The following SGIP1 variants were observed in gnomAD, a reference collection of about 807,000 sequenced individuals.
SGIP1 encodes the protein SH3GL interacting endocytic adaptor 1.
A neutral mutation model predicts 107.5 loss-of-function variants in SGIP1; 38 were observed. The observed-to-expected ratio is 0.35, with a 90% confidence interval of 0.27 to 0.46. The LOEUF is 0.46. Ranked by LOEUF, SGIP1 falls within the 20% of genes least tolerant of loss-of-function variation. The pLI is 1.00. For synonymous variants in SGIP1, 365 were observed against 366.1 expected (o/e 1.00, Z 0.03); for missense variants, 929 against 1,019.5 (o/e 0.91, Z 1.21).
chr1:66,618,144 G>A (rs749086642), intron 1 of SGIP1, among the ~76,000 whole-genome samples: 236 of 152,070 alleles, frequency 1.6e-3, no homozygotes, highest in Non-Finnish European at 3.0e-3. Context: ...ATTTTTTTAT[G>A]ATACATGTTT....
intron 2 of SGIP1, among the ~76,000 whole-genome samples, chr1:66,630,857 A>AG (rs1558133403): frequency 5.7e-5 from 2 of 35,088 alleles, no homozygotes; most frequent in African/African-American, 3.0e-4. Flanking sequence ...GAAAGAAAGA[A>AG]AGAAAGAAAG....
intron 8 of SGIP1, 34 bp from the exon 9 acceptor site, chr1:66,667,496 G>T (rs755901644): frequency 1.1e-5 from 18 of 1,608,520 alleles, no homozygotes; most frequent in Non-Finnish European, 1.2e-5. Flanking sequence ...CTCTGACTAG[G>T]TGTCTGTTCT....
intron 1 of SGIP1, among the ~76,000 whole-genome samples, chr1:66,546,190 C>A (rs201551116): frequency 6.6e-6 from 1 of 152,176 alleles, no homozygotes; most frequent in African/African-American, 2.4e-5. Flanking sequence ...CCAGGCAATA[C>A]CCTGGATCAT....
At chr1:66,635,634 C>T (rs979200097) in intron 3 of SGIP1, among the ~76,000 whole-genome samples, 11 of 152,272 alleles carry the variant, frequency 7.2e-5, no homozygotes, top group South Asian at 2.1e-4. Flanking sequence ...CTGTTCTCTA[C>T]GTGTAAATTA....
At chr1:66,591,821 G>A (rs1184200831) in intron 1 of SGIP1, among the ~76,000 whole-genome samples, 1 of 152,196 alleles carries the variant, frequency 6.6e-6, no homozygotes, top group Admixed American at 6.5e-5. Context: ...ACAGTCAGCA[G>A]GAAAACGTGA....
intron 1 of SGIP1, among the ~76,000 whole-genome samples, chr1:66,544,913 G>A (rs2055986783): frequency 6.6e-6 from 1 of 152,098 alleles, no homozygotes; most frequent in Non-Finnish European, 1.5e-5. Context: ...GCCTTCTTGT[G>A]CACTAATTTG....
At position 66,749,642 on chromosome 1, in the gene SGIP1, G is replaced by GC. The variant is rs2094598674; in HGVS notation, c.*6549dup. Among the ~76,000 whole-genome samples the GC allele has an allele frequency of 6.6e-6, 1 of 151,962 alleles. No individual in the cohort carries two copies. The highest frequency in any genetic ancestry group is 6.5e-5 in the Admixed American group (1 of 15,272). ...TAATCCATCCAGAGTTTGTGAATCA[G>GC]CCTGATAGATCATAAGCCATTTATA... is the stretch of plus-strand genomic sequence containing the variant. On this transcript the variant is annotated 3_prime_UTR_variant, in exon 25 of 25. Transcript: ENST00000371037.
intron 5 of SGIP1, among the ~76,000 whole-genome samples, chr1:66,641,499 T>C (rs1053830712): frequency 2.6e-5 from 4 of 152,122 alleles, no homozygotes; most frequent in African/African-American, 9.7e-5. Context: ...ATGCTTCATC[T>C]TCCTCCCCTC....
chr1:66,667,495 GGTGTCT>G, intron 8 of SGIP1, 29 bp from the exon 9 acceptor site: 1 of 1,607,442 alleles, frequency 6.2e-7, no homozygotes. Context: ...TCTCTGACTA[GGTGTCT>G]GTTCTCTCTT....
At position 66,659,940 on chromosome 1, in the gene SGIP1, A is replaced by G. The variant is rs1571373409; in HGVS notation, c.460-573A>G. On this transcript the variant is annotated intron_variant, in intron 7 of 24. Coordinates refer to ENST00000371037, the MANE Select transcript of SGIP1 (RefSeq NM_032291.4). ...ACAGAAAGAGAAAAAGAGAGAAAGA[A>G]AAAGAAAGAAAAAGAAAGAAAGAAA... Among the ~76,000 whole-genome samples, 6 of 60,524 alleles carry G rather than the reference A, an allele frequency of 9.9e-5. 1 individual carries two copies. Among genetic ancestry groups the G allele is most frequent in the African/African-American group, 4.5e-4 (6 of 13,262 alleles). 39.7% of individuals were successfully genotyped at this position (60,524 alleles called of 152,430 possible). A position where few individuals can be genotyped will look rare whatever the true frequency, so the allele number is the denominator to read the frequency against.
intron 1 of SGIP1, among the ~76,000 whole-genome samples, chr1:66,608,987 T>TGGTCACTTATATCCCACAGGGATGAA (rs142719855): frequency 0.34 from 47,231 of 139,238 alleles, 9,756 homozygotes; most frequent in Admixed American, 0.42. Context: ...GCTCCTGGTT[T>TGGTCACTTATATCCCACAGGGATGAA]GGTCACTTAT....
rs1386689080 is a variant in SGIP1 at position 66,733,889 on chromosome 1, ATT to A, written c.2031+11_2031+12del. The A allele has an allele frequency of 6.2e-7, 1 of 1,609,834 alleles. No homozygotes were observed. Among genetic ancestry groups the A allele is most frequent in the Non-Finnish European group, 8.5e-7 (1 of 1,177,934 alleles). On this transcript the variant is annotated intron_variant, in intron 21 of 24. Coordinates refer to ENST00000371037, the MANE Select transcript of SGIP1 (RefSeq NM_032291.4). ...ACATGCTCAAATATCAGGTAAGCCT[ATT>A]TACATGATCGGTATCTCTTCCACAT...
chr1:66,657,863 A>G (rs2080099427), intron 7 of SGIP1, among the ~76,000 whole-genome samples: 1 of 152,198 alleles, frequency 6.6e-6, no homozygotes, highest in Non-Finnish European at 1.5e-5. Flanking sequence ...TATCTTTTCC[A>G]TAATTAAAAA....
At chr1:66,627,577 T>A (rs2073178278) in intron 2 of SGIP1, among the ~76,000 whole-genome samples, 1 of 152,186 alleles carries the variant, frequency 6.6e-6, no homozygotes, top group South Asian at 2.1e-4. Context: ...CAAAGTTATT[T>A]TTTGTCTAGA....
intron 1 of SGIP1, among the ~76,000 whole-genome samples, chr1:66,609,294 GAA>G (rs2067477445): frequency 6.6e-6 from 1 of 152,152 alleles, no homozygotes; most frequent in South Asian, 2.1e-4. Flanking sequence ...TATCCATTTT[GAA>G]ATCCAACTTC....
At chr1:66,693,758 A>G (rs994183284) in intron 17 of SGIP1, among the ~76,000 whole-genome samples, 1 of 152,222 alleles carries the variant, frequency 6.6e-6, no homozygotes, top group African/African-American at 2.4e-5. Flanking sequence ...CAGAGCACCA[A>G]TTCATGATGT....
chr1:66,682,974 T>C (rs1301125602), intron 15 of SGIP1, among the ~76,000 whole-genome samples: 1 of 152,192 alleles, frequency 6.6e-6, no homozygotes, highest in Non-Finnish European at 1.5e-5. Flanking sequence ...TGTAATCCAA[T>C]CAAGCTGTCA....
intron 18 of SGIP1, among the ~76,000 whole-genome samples, chr1:66,695,908 T>A (rs1294393823): frequency 6.6e-6 from 1 of 152,230 alleles, no homozygotes; most frequent in African/African-American, 2.4e-5. Context: ...GGGTAATTAA[T>A]ATTTTAGATG....
chr1:66,658,101 C>T (rs1192501413), intron 7 of SGIP1, among the ~76,000 whole-genome samples: 1 of 151,882 alleles, frequency 6.6e-6, no homozygotes, highest in Non-Finnish European at 1.5e-5. Flanking sequence ...GGAGGGGTAA[C>T]CTTTATCATT....
Sources: allele counts gnomAD v4.1 joint callset (sites outside exome capture counted in the v4.1 genomes callset), GRCh38; gene constraint gnomAD v4.1.1; transcripts MANE v1.5; gene names NCBI Gene and HGNC (gene_info 2026-07-23, HGNC 2026-07-21).